Variants in MSRB3 observed in about 807,000 individuals in gnomAD.
MSRB3 encodes the protein methionine-R-sulfoxide reductase B3.
In MSRB3, 13 loss-of-function variants were observed where a neutral mutation model predicts 21.0. The ratio of observed to expected loss-of-function variants is 0.62; its 90% confidence interval spans 0.40 to 0.98. MSRB3 has a LOEUF of 0.98. MSRB3 is among the 50% of genes least tolerant of loss of function. The probability of loss-of-function intolerance (pLI) is 0.00; values close to 1 mark genes in which losing one functional copy is unlikely to be tolerated. For synonymous variants in MSRB3, 87 were observed against 88.6 expected (o/e 0.98, Z 0.10); for missense variants, 199 against 230.3 (o/e 0.86, Z 0.88).
chr12:65,309,625 ATCTTT>A (rs1873865756), intron 2 of MSRB3, among the ~76,000 whole-genome samples: 1 of 152,212 alleles, frequency 6.6e-6, no homozygotes, highest in Non-Finnish European at 1.5e-5. Flanking sequence ...TTGTTCCTAG[ATCTTT>A]TCTTTAGGAG....
At chr12:65,364,537 A>G (rs573736754) in intron 4 of MSRB3, among the ~76,000 whole-genome samples, 2 of 152,340 alleles carry the variant, frequency 1.3e-5, no homozygotes, top group South Asian at 4.1e-4. Flanking sequence ...TATCCCTACC[A>G]TCTAGCATAG....
At chr12:65,339,955 T>C (rs1876031148) in intron 4 of MSRB3, among the ~76,000 whole-genome samples, 1 of 152,074 alleles carries the variant, frequency 6.6e-6, no homozygotes, top group Non-Finnish European at 1.5e-5. Flanking sequence ...TTATCTGGAG[T>C]GCAATTTTTC....
chr12:65,459,915 T>C (rs1169810230), intron 6 of MSRB3, among the ~76,000 whole-genome samples: 1 of 152,222 alleles, frequency 6.6e-6, no homozygotes. Flanking sequence ...CTGCAGGTTC[T>C]TTAGCTGCCA....
At chr12:65,282,820 A>G (rs962757693) in intron 1 of MSRB3, among the ~76,000 whole-genome samples, 1 of 152,072 alleles carries the variant, frequency 6.6e-6, no homozygotes, top group Admixed American at 6.5e-5. Context: ...GACACAGTTT[A>G]GGTCACATGG....
intron 5 of MSRB3, among the ~76,000 whole-genome samples, chr12:65,400,449 G>A (rs1880061591): frequency 6.6e-6 from 1 of 151,972 alleles, no homozygotes; most frequent in Non-Finnish European, 1.5e-5. Flanking sequence ...TGGGATCAGT[G>A]GTGATATCCC....
chr12:65,385,862 G>T (rs1879171781), intron 5 of MSRB3, among the ~76,000 whole-genome samples: 1 of 151,664 alleles, frequency 6.6e-6, no homozygotes, highest in African/African-American at 2.4e-5. Flanking sequence ...AAAACTTCTA[G>T]GTATATGTTA....
At chr12:65,335,201 A>G (rs1007595630) in intron 4 of MSRB3, among the ~76,000 whole-genome samples, 2 of 152,226 alleles carry the variant, frequency 1.3e-5, no homozygotes, top group Non-Finnish European at 2.9e-5. Flanking sequence ...CAAATGTTAA[A>G]TACAAGTGGC....
intron 4 of MSRB3, among the ~76,000 whole-genome samples, chr12:65,346,208 A>G (rs1299191167): frequency 1.3e-5 from 2 of 152,180 alleles, no homozygotes; most frequent in Non-Finnish European, 2.9e-5. Flanking sequence ...CCAACAGTGT[A>G]AAAGTGTTCC....
intron 5 of MSRB3, among the ~76,000 whole-genome samples, chr12:65,392,591 G>C (rs772257629): frequency 7.9e-5 from 12 of 152,096 alleles, no homozygotes; most frequent in African/African-American, 1.2e-4. Flanking sequence ...TTTGGTTACT[G>C]TTTCTCAGTC....
chr12:65,458,300 T>C (rs999391587), intron 6 of MSRB3, among the ~76,000 whole-genome samples: 1 of 152,200 alleles, frequency 6.6e-6, no homozygotes, highest in Non-Finnish European at 1.5e-5. Flanking sequence ...ATGCATACAG[T>C]GAATTAGGCC....
chr12:65,457,118 G>A (rs1159180218), intron 6 of MSRB3, among the ~76,000 whole-genome samples: 2 of 151,724 alleles, frequency 1.3e-5, no homozygotes, highest in Non-Finnish European at 2.9e-5. Flanking sequence ...CTCATTTTTA[G>A]CACTATTTTT....
chr12:65,326,428 G>T (rs1475977810), intron 2 of MSRB3, among the ~76,000 whole-genome samples: 1 of 151,898 alleles, frequency 6.6e-6, no homozygotes, highest in Non-Finnish European at 1.5e-5. Context: ...GCAGACTTAC[G>T]GTTTAACATA....
intron 2 of MSRB3, among the ~76,000 whole-genome samples, chr12:65,313,689 C>A (rs1874125016): frequency 6.6e-6 from 1 of 152,006 alleles, no homozygotes; most frequent in Admixed American, 6.6e-5. Flanking sequence ...GAATTCTCTC[C>A]CTTGTGTTCA....
At chr12:65,442,551 A>G (rs1045119462) in intron 5 of MSRB3, among the ~76,000 whole-genome samples, 20 of 152,054 alleles carry the variant, frequency 1.3e-4, no homozygotes, top group African/African-American at 4.3e-4. Flanking sequence ...ACAGTAAATA[A>G]TCTTTGCTCA....
At chr12:65,369,955 G>A (rs1030866764) in intron 5 of MSRB3, among the ~76,000 whole-genome samples, 2 of 152,146 alleles carry the variant, frequency 1.3e-5, no homozygotes, top group Admixed American at 1.3e-4. Flanking sequence ...TTTGATAGTA[G>A]TGTTAAGGAG....
intron 4 of MSRB3, among the ~76,000 whole-genome samples, chr12:65,359,535 A>T (rs1012874624): frequency 2.6e-5 from 4 of 152,106 alleles, no homozygotes; most frequent in Non-Finnish European, 4.4e-5. Context: ...ACACAACACC[A>T]ATCTTGAAAG....
At chr12:65,459,236 T>G (rs1268373972) in intron 6 of MSRB3, among the ~76,000 whole-genome samples, 2 of 152,172 alleles carry the variant, frequency 1.3e-5, no homozygotes, top group Non-Finnish European at 2.9e-5. Context: ...CATTATTAAT[T>G]TGTTCTAAGT....
chr12:65,350,151 A>G (rs1876845094), intron 4 of MSRB3, among the ~76,000 whole-genome samples: 1 of 151,764 alleles, frequency 6.6e-6, no homozygotes, highest in Non-Finnish European at 1.5e-5. Flanking sequence ...TCCCAGCACC[A>G]TTTATTAAAT....
intron 5 of MSRB3, among the ~76,000 whole-genome samples, chr12:65,411,721 T>C (rs776333103): frequency 1.1e-4 from 17 of 150,042 alleles, no homozygotes; most frequent in Non-Finnish European, 2.5e-4. Context: ...AGAATTAAGC[T>C]AGATTTATAA....
Sources: allele counts gnomAD v4.1 joint callset (sites outside exome capture counted in the v4.1 genomes callset), GRCh38; gene constraint gnomAD v4.1.1; transcripts MANE v1.5; gene names NCBI Gene and HGNC (gene_info 2026-07-23, HGNC 2026-07-21).